The following MAP7D2 variants were observed in gnomAD, a reference collection of about 807,000 sequenced individuals.
MAP7D2 encodes the protein MAP7 domain-containing protein 2.
In MAP7D2, 33 loss-of-function variants were observed where a neutral mutation model predicts 63.5. The observed-to-expected ratio is 0.52, with a 90% confidence interval of 0.39 to 0.70. The LOEUF (loss-of-function observed/expected upper bound fraction) is 0.70. Among genes scored for constraint, MAP7D2 ranks in the 30% least tolerant of loss-of-function variants. The probability of loss-of-function intolerance (pLI) is 0.00; values close to 1 mark genes in which losing one functional copy is unlikely to be tolerated. For missense variants in MAP7D2, 626 were observed against 604.0 expected, an observed-to-expected ratio of 1.04 and a Z score of -0.38; for synonymous variants, 224 against 223.7, an observed-to-expected ratio of 1.00 and a Z score of -0.01.
intron 8 of MAP7D2, among the ~76,000 whole-genome samples, chrX:20,040,188 T>C (rs746479175): frequency 9.0e-6 from 1 of 110,995 alleles, no homozygotes; most frequent in South Asian, 3.8e-4. Context: ...TTCCCTACTT[T>C]TGAGGTTTTG....
At chrX:20,107,580 C>G (rs1193186610) in intron 1 of MAP7D2, among the ~76,000 whole-genome samples, 2 of 109,547 alleles carry the variant, frequency 1.8e-5, no homozygotes, top group African/African-American at 3.3e-5. Context: ...CCCGCCCCCC[C>G]CAAAATTAAT....
In MAP7D2 at chrX:20,095,307, G is replaced by A. The variant is rs186626505; in HGVS notation, c.130+21443C>T. Among the ~76,000 whole-genome samples the A allele has an allele frequency of 1.9e-3, 207 of 111,709 alleles. 2 individuals carry two copies. The highest frequency in any genetic ancestry group is 0.014 in the Admixed American group (151 of 10,421). ...TAATCACGGCACTTTGGGAGGTGGA[G>A]GCAGGAAGATCATTTGAGGCCAGGA... On this transcript the variant is annotated intron_variant, in intron 1 of 16. Transcript: ENST00000379643.
chrX:20,050,775 A>G, intron 6 of MAP7D2, 49 bp downstream of exon 6: 1 of 1,121,625 alleles, frequency 8.9e-7, no homozygotes, highest in East Asian at 3.2e-5. Flanking sequence ...AGGCTGACCA[A>G]CACCTCTTCG....
intron 10 of MAP7D2, among the ~76,000 whole-genome samples, chrX:20,021,108 CAG>C (rs2073622823): frequency 8.9e-6 from 1 of 112,429 alleles, no homozygotes; most frequent in Admixed American, 9.4e-5. Flanking sequence ...GTGCCTTCCC[CAG>C]GGTGGACCCG....
intron 1 of MAP7D2, among the ~76,000 whole-genome samples, chrX:20,103,610 A>G (rs1303381694): frequency 2.7e-5 from 3 of 112,319 alleles, no homozygotes; most frequent in Non-Finnish European, 5.6e-5. Flanking sequence ...TAATCTGTCG[A>G]GGTTAGTCAA....
intron 1 of MAP7D2, 136 bp downstream of exon 1, chrX:20,116,614 G>A (rs2066901190): frequency 5.0e-6 from 5 of 997,515 alleles, no homozygotes; most frequent in Non-Finnish European, 2.5e-6. Context: ...TCCTGGGCCA[G>A]GGAAAGGGCG....
chrX:20,116,690 G>A, intron 1 of MAP7D2, 60 bp downstream of exon 1: 1 of 1,096,232 alleles, frequency 9.1e-7, no homozygotes, highest in Non-Finnish European at 1.2e-6. Flanking sequence ...GGGCCGCCGG[G>A]CCCGCCCCCC....
intron 1 of MAP7D2, among the ~76,000 whole-genome samples, chrX:20,112,921 A>T (rs2066786774): frequency 8.9e-6 from 1 of 112,325 alleles, no homozygotes; most frequent in Non-Finnish European, 1.9e-5. Context: ...TTACAAGAAG[A>T]CAAAGTGTTC....
At chrX:20,098,858 A>G (rs749318106) in intron 1 of MAP7D2, among the ~76,000 whole-genome samples, 2 of 112,477 alleles carry the variant, frequency 1.8e-5, no homozygotes, top group African/African-American at 3.2e-5. Flanking sequence ...GCAGGCAGAG[A>G]TAAGTGGATG....
intron 6 of MAP7D2, among the ~76,000 whole-genome samples, chrX:20,046,839 T>G (rs970929858): frequency 2.7e-5 from 3 of 112,755 alleles, no homozygotes; most frequent in African/African-American, 9.7e-5. Flanking sequence ...TGTAAAGTTT[T>G]GATTATTGAA....
intron 11 of MAP7D2, 65 bp from the exon 12 acceptor site, chrX:20,015,392 T>G: frequency 1.1e-6 from 1 of 927,179 alleles, no homozygotes; most frequent in South Asian, 2.0e-5. Context: ...GGTAATTCCC[T>G]GGCTTTGCAC....
chrX:20,087,076 C>T (rs1253458826), intron 1 of MAP7D2, among the ~76,000 whole-genome samples: 1 of 112,270 alleles, frequency 8.9e-6, no homozygotes, highest in Non-Finnish European at 1.9e-5. Context: ...AGTCTGACTC[C>T]AGAATAACAC....
intron 1 of MAP7D2, among the ~76,000 whole-genome samples, chrX:20,103,136 G>A (rs1182373488): frequency 9.0e-6 from 1 of 111,727 alleles, no homozygotes; most frequent in Non-Finnish European, 1.9e-5. Context: ...CTAGGGTGTG[G>A]TTGAGGTCCC....
intron 1 of MAP7D2, among the ~76,000 whole-genome samples, chrX:20,090,543 T>C (rs2066043015): frequency 9.0e-6 from 1 of 111,674 alleles, no homozygotes; most frequent in African/African-American, 3.3e-5. Context: ...AAATTGACTA[T>C]AGCAAGTACT....
intron 8 of MAP7D2, among the ~76,000 whole-genome samples, chrX:20,036,279 C>T (rs1488167384): frequency 9.1e-6 from 1 of 110,367 alleles, no homozygotes; most frequent in Non-Finnish European, 1.9e-5. Flanking sequence ...CGGAGTCTTG[C>T]ACTGTTGCCT....
At chrX:20,076,448 G>A (rs368896920) in intron 1 of MAP7D2, among the ~76,000 whole-genome samples, 1 of 112,015 alleles carries the variant, frequency 8.9e-6, no homozygotes, top group South Asian at 3.7e-4. Flanking sequence ...GCTCATGCCT[G>A]TAATCCCAGC....
chrX:20,021,719 C>T (rs1324800706), intron 10 of MAP7D2, among the ~76,000 whole-genome samples: 1 of 112,076 alleles, frequency 8.9e-6, no homozygotes, highest in African/African-American at 3.2e-5. Flanking sequence ...TCCTTATGTC[C>T]TTTCTTTACC....
intron 3 of MAP7D2, among the ~76,000 whole-genome samples, chrX:20,058,864 T>A (rs2065129735): frequency 8.9e-6 from 1 of 112,450 alleles, no homozygotes; most frequent in Non-Finnish European, 1.9e-5. Context: ...ACAAGTCTTA[T>A]TTAAGGTTAG....
intron 1 of MAP7D2, among the ~76,000 whole-genome samples, chrX:20,074,879 C>A (rs1329329412): frequency 2.7e-5 from 3 of 110,410 alleles, no homozygotes; most frequent in African/African-American, 9.9e-5. Context: ...GGTGAAACCC[C>A]GTCACTACAA....
Sources: allele counts gnomAD v4.1 joint callset (sites outside exome capture counted in the v4.1 genomes callset), GRCh38; gene constraint gnomAD v4.1.1; transcripts MANE v1.5; gene names NCBI Gene and HGNC (gene_info 2026-07-23, HGNC 2026-07-21).